The following CNKSR2 variants were observed in gnomAD, a reference collection of about 807,000 sequenced individuals.
CNKSR2 encodes CNK homolog protein 2.
In CNKSR2, 14 loss-of-function variants were observed where a neutral mutation model predicts 84.4. That is an observed-to-expected ratio of 0.17 (90% CI 0.11 to 0.26). The LOEUF (loss-of-function observed/expected upper bound fraction) is 0.26. CNKSR2 is among the 10% of genes least tolerant of loss of function. The probability of loss-of-function intolerance (pLI) is 1.00; values close to 1 mark genes in which losing one functional copy is unlikely to be tolerated. For missense variants in CNKSR2, 485 were observed against 771.2 expected (o/e 0.63, Z 4.40); for synonymous variants, 275 against 277.9 (o/e 0.99, Z 0.10).
intron 4 of CNKSR2, among the ~76,000 whole-genome samples, chrX:21,451,859 T>G (rs1479746079): frequency 1.8e-5 from 2 of 110,699 alleles, no homozygotes; most frequent in African/African-American, 6.6e-5. Context: ...AATAATAAAA[T>G]AAAATAAAAA....
At chrX:21,617,918 C>T (rs74638694) in intron 20 of CNKSR2, among the ~76,000 whole-genome samples, 1 of 84,706 alleles carries the variant, frequency 1.2e-5, no homozygotes, top group Non-Finnish European at 2.3e-5. Flanking sequence ...CACACCCCCC[C>T]ACACACACAC....
intron 20 of CNKSR2, among the ~76,000 whole-genome samples, chrX:21,630,885 A>G (rs755038030): frequency 9.0e-6 from 1 of 111,419 alleles, no homozygotes; most frequent in East Asian, 2.8e-4. Flanking sequence ...GTACTTTCCA[A>G]TTTTAACCAG....
intron 3 of CNKSR2, among the ~76,000 whole-genome samples, chrX:21,436,977 A>G (rs2090715091): frequency 8.9e-6 from 1 of 111,880 alleles, no homozygotes; most frequent in Non-Finnish European, 1.9e-5. Flanking sequence ...TAAAAACTTT[A>G]GGGTAATTCT....
intron 4 of CNKSR2, among the ~76,000 whole-genome samples, chrX:21,456,082 A>C (rs2090991520): frequency 9.0e-6 from 1 of 111,539 alleles, no homozygotes; most frequent in Admixed American, 9.6e-5. Context: ...GGTGTGATTG[A>C]CACATTAAAA....
At chrX:21,532,264 A>G (rs780265854) in intron 11 of CNKSR2, 197 bp downstream of exon 11, 1 of 294,555 alleles carries the variant, frequency 3.4e-6, no homozygotes, top group South Asian at 1.4e-4. Context: ...TAGATTTTCA[A>G]AAGATAAGAA....
chrX:21,648,289 A>C (rs2092711470), intron 20 of CNKSR2, among the ~76,000 whole-genome samples: 1 of 111,970 alleles, frequency 8.9e-6, no homozygotes, highest in African/African-American at 3.2e-5. Context: ...GAAGATTTTT[A>C]CAATCAAATA....
rs2091432131 is a variant in CNKSR2 at position 21,490,575 on chromosome X, G to T, written c.678G>T (p.Gly226=). The T allele has an allele frequency of 1.7e-6, 2 of 1,204,138 alleles. No individual in the cohort carries two copies. Among genetic ancestry groups the T allele is most frequent in the Non-Finnish European group, 2.2e-6 (2 of 892,060 alleles). ...IQLANIKPSE[G]LGMYIKSTYD... ...TGGCAAACATTAAACCAAGCGAAGG[G>T]CTGGTAAGAGATACCATGTTTATCA... is the stretch of plus-strand genomic sequence containing the variant. Residue 226 remains glycine, a synonymous_variant, in exon 6 of 22, where the codon GGG becomes GGT. Transcript: ENST00000379510.
intron 1 of CNKSR2, among the ~76,000 whole-genome samples, chrX:21,416,259 T>C (rs1340275273): frequency 8.9e-6 from 1 of 112,259 alleles, no homozygotes; most frequent in Non-Finnish European, 1.9e-5. Flanking sequence ...GATTTGCATA[T>C]GTTGAACAAG....
intron 20 of CNKSR2, chrX:21,641,925 G>T: frequency 1.3e-6 from 1 of 789,866 alleles, no homozygotes; most frequent in Non-Finnish European, 1.5e-6. Context: ...AGGGGAAAGG[G>T]TCTTAACTGG....
At chrX:21,551,691 G>C (rs2092094075) in intron 11 of CNKSR2, among the ~76,000 whole-genome samples, 1 of 111,761 alleles carries the variant, frequency 8.9e-6, no homozygotes, top group Non-Finnish European at 1.9e-5. Flanking sequence ...CTAATGGGTA[G>C]AGACCAAAGA....
chrX:21,438,415 G>C (rs1277477970), intron 3 of CNKSR2, among the ~76,000 whole-genome samples: 2 of 111,502 alleles, frequency 1.8e-5, no homozygotes, highest in South Asian at 7.4e-4. Flanking sequence ...GAATCATTTA[G>C]AAAACAATAT....
chrX:21,600,046 C>G (rs1334675222), intron 17 of CNKSR2, among the ~76,000 whole-genome samples: 5 of 111,287 alleles, frequency 4.5e-5, no homozygotes, highest in Non-Finnish European at 9.4e-5. Context: ...CCCAAATGTA[C>G]CTGAGGTGAT....
At position 21,374,729 on chromosome X, in the gene CNKSR2, G is replaced by A. The variant is rs879239625; in HGVS notation, c.-169G>A. Reference sequence around the variant, plus strand: ...CCTGTCGCCGTTCCTGCCGGCGGTTGGCTAAAAGACGTTACAGCCGCGAGA... The same window carrying A: ...CCTGTCGCCGTTCCTGCCGGCGGTTAGCTAAAAGACGTTACAGCCGCGAGA... On this transcript the variant is annotated 5_prime_UTR_variant, in exon 1 of 22. Coordinates refer to ENST00000379510, the MANE Select transcript of CNKSR2 (RefSeq NM_014927.5). 5.3e-5 allele frequency: 27 copies of A among 511,528 alleles called. No individual in the cohort carries two copies. In the South Asian group the frequency reaches 6.9e-4, roughly 13 times the overall value. 42.2% of individuals were successfully genotyped at this position (511,528 alleles called of 1,213,427 possible).
intron 9 of CNKSR2, among the ~76,000 whole-genome samples, chrX:21,520,689 C>T (rs1234631789): frequency 1.0e-5 from 1 of 98,315 alleles, no homozygotes; most frequent in East Asian, 3.1e-4. Flanking sequence ...AAAAACCCAG[C>T]TTTTTTTTTT....
intron 1 of CNKSR2, among the ~76,000 whole-genome samples, chrX:21,398,149 T>C (rs2090143400): frequency 8.9e-6 from 1 of 111,913 alleles, no homozygotes; most frequent in Non-Finnish European, 1.9e-5. Flanking sequence ...CAGTGTGATA[T>C]CTGCATTTAT....
intron 11 of CNKSR2, among the ~76,000 whole-genome samples, chrX:21,551,423 A>G (rs2092090995): frequency 1.8e-5 from 2 of 112,743 alleles, no homozygotes; most frequent in Non-Finnish European, 1.9e-5. Context: ...ATATGTAGAT[A>G]AAATAGAAGT....
At chrX:21,556,628 G>C (rs1439456236) in intron 11 of CNKSR2, among the ~76,000 whole-genome samples, 1 of 110,690 alleles carries the variant, frequency 9.0e-6, no homozygotes, top group Non-Finnish European at 1.9e-5. Context: ...AAAAGTCAAG[G>C]ACTCTGAGAA....
chrX:21,437,568 C>T (rs1431035142), intron 3 of CNKSR2, among the ~76,000 whole-genome samples: 2 of 107,841 alleles, frequency 1.9e-5, no homozygotes, highest in Non-Finnish European at 3.8e-5. Context: ...TACAGGCACC[C>T]GTCACCATGC....
intron 6 of CNKSR2, among the ~76,000 whole-genome samples, chrX:21,496,941 T>C (rs1238942819): frequency 1.8e-5 from 2 of 111,381 alleles, no homozygotes; most frequent in African/African-American, 3.3e-5. Context: ...ATTCATTAAC[T>C]GAATCATCTA....
Sources: allele counts gnomAD v4.1 joint callset (sites outside exome capture counted in the v4.1 genomes callset), GRCh38; gene constraint gnomAD v4.1.1; transcripts MANE v1.5; gene names NCBI Gene and HGNC (gene_info 2026-07-23, HGNC 2026-07-21).